The following NINJ1 variants were observed in gnomAD, a reference collection of about 807,000 sequenced individuals.
NINJ1 encodes the protein ninjurin-1.
Under a neutral mutation model 12.7 loss-of-function variants are expected in NINJ1, and 6 were observed. That is an observed-to-expected ratio of 0.47 (90% confidence interval 0.26 to 0.93). The LOEUF (loss-of-function observed/expected upper bound fraction) is 0.93, where lower values mean the gene tolerates loss of function less well. Among genes scored for constraint, NINJ1 ranks in the 40% least tolerant of loss-of-function variants. The pLI, the probability that NINJ1 is intolerant of heterozygous loss-of-function variation, is 0.15. For missense variants in NINJ1, 170 were observed against 213.0 expected (o/e 0.80, Z 1.26); for synonymous variants, 100 against 96.0 (o/e 1.04, Z -0.25).
chr9:93,126,122 A>C, intron 2 of NINJ1: 1 of 437,068 alleles, frequency 2.3e-6, no homozygotes, highest in Non-Finnish European at 4.1e-6. Flanking sequence ...GCTTGAGCCC[A>C]GGAGATGCAG....
At chr9:93,131,151 G>A (rs1300114891) in intron 1 of NINJ1, among the ~76,000 whole-genome samples, 1 of 152,260 alleles carries the variant, frequency 6.6e-6, no homozygotes, top group Non-Finnish European at 1.5e-5. Context: ...GCCCTGCACC[G>A]TCTCCTACCG....
At position 93,125,582 on chromosome 9, in the gene NINJ1, G is replaced by A. The variant is rs567583250; in HGVS notation, c.305-520C>T. ...AACCCGGTGAAACACCTGCCCTAAT[G>A]CCCACAGGCCAGGCCCTGACCCCAC... On this transcript the variant is annotated intron_variant, in intron 2 of 3. Coordinates refer to ENST00000375446, the MANE Select transcript of NINJ1 (RefSeq NM_004148.4). 45 of 154,570 alleles carry A rather than the reference G, an allele frequency of 2.9e-4. No homozygotes were observed. In the South Asian group the frequency reaches 6.5e-3, roughly 22 times the overall value. 9.6% of individuals were successfully genotyped at this position (154,570 alleles called of 1,614,324 possible).
At chr9:93,125,184 G>C (rs909827972) in intron 2 of NINJ1, 122 bp from the exon 3 acceptor site, 22 of 935,628 alleles carry the variant, frequency 2.4e-5, no homozygotes, top group Non-Finnish European at 3.4e-5. Flanking sequence ...AGGGCTCTCA[G>C]TCGCATTTAG....
intron 1 of NINJ1, among the ~76,000 whole-genome samples, chr9:93,127,852 C>T (rs935785513): frequency 2.0e-4 from 30 of 152,230 alleles, no homozygotes; most frequent in African/African-American, 7.0e-4. Context: ...GCCGGGAGGC[C>T]GGGGTGCCGC....
At chr9:93,131,835 G>A (rs1162670751) in intron 1 of NINJ1, among the ~76,000 whole-genome samples, 1 of 152,192 alleles carries the variant, frequency 6.6e-6, no homozygotes, top group Non-Finnish European at 1.5e-5. Context: ...GGAGTTCCAC[G>A]TGTGGCTCCT....
intron 1 of NINJ1, among the ~76,000 whole-genome samples, chr9:93,133,780 G>C (rs917059902): frequency 1.3e-5 from 2 of 152,214 alleles, no homozygotes; most frequent in African/African-American, 2.4e-5. Flanking sequence ...GCTGAAGTTA[G>C]AGAGGCCCGC....
Position 93,124,950 on chromosome 9 carries a change from G to T in NINJ1, c.417C>A (p.Phe139Leu), listed in dbSNP as rs61755996. The change falls in exon 3 of 4, where the codon TTC becomes TTA. Residue 139 changes from phenylalanine to leucine, a missense_variant. By Grantham distance (22) the Phe-to-Leu change is conservative. Transcript: ENST00000375446. ...TGTCCATCAAGGGCTTCTGGACCCC[G>T]AAGGCCGTGATGAAGATGTTGACTA... is the stretch of plus-strand genomic sequence containing the variant. ...IVVVNIFITA[F>L]GVQKPLMDMA... 6.2e-7 allele frequency: 1 copy of T among 1,613,888 alleles called. No individual in the cohort carries two copies.
At position 93,134,123 on chromosome 9, in the gene NINJ1, C is replaced by T; in HGVS notation, c.75+20G>A. ...GACAGGGCCTGGCAAGATCATGCAG[C>T]GGTGGGGGGAAGGTCTTACCGAGGC... On this transcript the variant is annotated intron_variant, in intron 1 of 3. Coordinates refer to ENST00000375446, the MANE Select transcript of NINJ1 (RefSeq NM_004148.4). 2.0e-6 allele frequency: 3 copies of T among 1,532,586 alleles called. No individual in the cohort carries two copies. The highest frequency in any genetic ancestry group is 2.6e-6 in the Non-Finnish European group (3 of 1,135,656). The allele number at this position is 1,532,586 out of a possible 1,614,324, so 94.9% of individuals were successfully genotyped here. A position where few individuals can be genotyped will look rare whatever the true frequency, so the allele number is the denominator to read the frequency against.
At chr9:93,123,623 GC>G (rs1827767765) in intron 3 of NINJ1, among the ~76,000 whole-genome samples, 2 of 152,174 alleles carry the variant, frequency 1.3e-5, no homozygotes, top group African/African-American at 4.8e-5. Flanking sequence ...CAGGCGCTCT[GC>G]CCCAAGAGCA....
At chr9:93,122,908 T>G (rs979851427) in intron 3 of NINJ1, among the ~76,000 whole-genome samples, 1 of 152,090 alleles carries the variant, frequency 6.6e-6, no homozygotes, top group African/African-American at 2.4e-5. Flanking sequence ...ACACAGCAGG[T>G]GATTAATAAA....
At chr9:93,125,973 G>C (rs1448860970) in intron 2 of NINJ1, 1 of 175,874 alleles carries the variant, frequency 5.7e-6, no homozygotes, top group Non-Finnish European at 1.2e-5. Flanking sequence ...GGAGACTGAG[G>C]CTGTTGGATC....
chr9:93,132,578 G>GC (rs1359451100), intron 1 of NINJ1, among the ~76,000 whole-genome samples: 1 of 152,120 alleles, frequency 6.6e-6, no homozygotes, highest in African/African-American at 2.4e-5. Context: ...ACCATGCCCC[G>GC]CCCCCCACGA....
intron 3 of NINJ1, among the ~76,000 whole-genome samples, chr9:93,124,234 G>A (rs533575103): frequency 2.0e-5 from 3 of 152,280 alleles, no homozygotes; most frequent in East Asian, 3.9e-4. Context: ...CTGATAAGGG[G>A]TGCAGAGCCC....
chr9:93,133,892 C>T (rs1827935026), intron 1 of NINJ1, among the ~76,000 whole-genome samples: 1 of 152,182 alleles, frequency 6.6e-6, no homozygotes, highest in Non-Finnish European at 1.5e-5. Flanking sequence ...GCGGGCGCTG[C>T]TTAGTGGGGC....
intron 3 of NINJ1, among the ~76,000 whole-genome samples, 170 bp downstream of exon 3, chr9:93,124,729 G>A (rs1827784519): frequency 6.6e-6 from 1 of 152,204 alleles, no homozygotes; most frequent in Non-Finnish European, 1.5e-5. Flanking sequence ...CCAGTGGCAG[G>A]GCTGGCCTCA....
intron 2 of NINJ1, 127 bp downstream of exon 2, chr9:93,126,283 G>A: frequency 1.4e-6 from 1 of 715,118 alleles, no homozygotes; most frequent in Non-Finnish European, 2.3e-6. Flanking sequence ...TCTGGGTGAT[G>A]AGGGCCAGGA....
intron 1 of NINJ1, among the ~76,000 whole-genome samples, chr9:93,128,263 C>T (rs1827841677): frequency 6.6e-6 from 1 of 152,212 alleles, no homozygotes; most frequent in Non-Finnish European, 1.5e-5. Flanking sequence ...TACTTTGCCT[C>T]TCCCACCCTG....
Position 93,134,200 on chromosome 9 carries a change from C to T in NINJ1, c.18G>A (p.Glu6=). The change falls in exon 1 of 4, where the codon GAG becomes GAA. Residue 6 remains glutamate, a synonymous_variant. Transcript: ENST00000375446. The part of the protein sequence containing the change: MDSGT[E]EYELNGGLPP... Reference sequence around the variant, plus strand: ...GCAGGCCGCCGTTGAGCTCGTACTCCTCGGTTCCCGAGTCCATGGTGCGGC... The same window carrying T: ...GCAGGCCGCCGTTGAGCTCGTACTCTTCGGTTCCCGAGTCCATGGTGCGGC... The T allele has an allele frequency of 1.3e-6, 2 of 1,528,724 alleles. No homozygotes were observed. The highest frequency in any genetic ancestry group is 1.4e-5 in the African/African-American group (1 of 71,476). The allele number at this position is 1,528,724 out of a possible 1,614,324, so 94.7% of individuals were successfully genotyped here.
chr9:93,126,235 G>C, intron 2 of NINJ1, 175 bp downstream of exon 2: 1 of 579,296 alleles, frequency 1.7e-6, no homozygotes, highest in Non-Finnish European at 3.0e-6. Flanking sequence ...CAAAGTGCAG[G>C]GTGGGGGGAG....
Sources: allele counts gnomAD v4.1 joint callset (sites outside exome capture counted in the v4.1 genomes callset), GRCh38; gene constraint gnomAD v4.1.1; transcripts MANE v1.5; gene names NCBI Gene and HGNC (gene_info 2026-07-23, HGNC 2026-07-21).